The following PKHD1 variants were observed in gnomAD, a reference collection of about 807,000 sequenced individuals.
The protein encoded by PKHD1 is fibrocystin.
A neutral mutation model predicts 412.0 loss-of-function variants in PKHD1; 291 were observed. That is an observed-to-expected ratio of 0.71 (90% confidence interval 0.64 to 0.78). PKHD1 has a LOEUF of 0.78. Ranked by LOEUF, PKHD1 falls within the 30% of genes least tolerant of loss-of-function variation. PKHD1 has a pLI of 0.00. For synonymous variants in PKHD1, 1,777 were observed against 1,821.5 expected, an observed-to-expected ratio of 0.98 and a Z score of 0.62; for missense variants, 4,825 against 4,950.7, an observed-to-expected ratio of 0.97 and a Z score of 0.76.
At chr6:51,726,966 T>C (rs950523261) in intron 60 of PKHD1, among the ~76,000 whole-genome samples, 3 of 152,170 alleles carry the variant, frequency 2.0e-5, no homozygotes, top group Non-Finnish European at 4.4e-5. Flanking sequence ...GAACTTTCTC[T>C]GGCTAGAATT....
intron 60 of PKHD1, among the ~76,000 whole-genome samples, chr6:51,674,678 C>T (rs1775553052): frequency 6.6e-6 from 1 of 152,150 alleles, no homozygotes; most frequent in African/African-American, 2.4e-5. Context: ...ACTTAAGGTT[C>T]AGGGTGATGA....
At position 51,748,148 on chromosome 6, in the gene PKHD1, A is replaced by G. The variant is rs776397936; in HGVS notation, c.9468T>C (p.Gly3156=). ...CGCTGTTCTCTACATGTAACATGGC[A>G]CCATAGTCAAAGTTCTTGAAAGCCA... ...GFLAFKNFDY[G]AMLHVENSVE... Residue 3156 remains glycine, a synonymous_variant, in exon 58 of 67, where the codon GGT becomes GGC. Coordinates refer to ENST00000371117, the MANE Select transcript of PKHD1 (RefSeq NM_138694.4). 6 of 1,614,102 alleles carry G rather than the reference A, an allele frequency of 3.7e-6. No homozygotes were observed. The South Asian group carries it at 5.5e-5, about 15-fold the overall frequency.
intron 35 of PKHD1, among the ~76,000 whole-genome samples, chr6:51,993,287 G>T (rs1267783723): frequency 6.6e-6 from 1 of 152,250 alleles, no homozygotes; most frequent in Non-Finnish European, 1.5e-5. Flanking sequence ...CAGGAGCCGA[G>T]CAGGCAGCTT....
chr6:51,808,372 T>C (rs1037296841), intron 52 of PKHD1, among the ~76,000 whole-genome samples: 3 of 152,212 alleles, frequency 2.0e-5, no homozygotes, highest in African/African-American at 7.2e-5. Flanking sequence ...AAGGGAAAAT[T>C]TTCAATGAGC....
chr6:51,959,393 G>A (rs1176112454), intron 36 of PKHD1, among the ~76,000 whole-genome samples: 1 of 152,006 alleles, frequency 6.6e-6, no homozygotes, highest in African/African-American at 2.4e-5. Flanking sequence ...ATAAACCCTA[G>A]AGCTATATAG....
At chr6:51,804,278 C>A (rs1306201505) in intron 52 of PKHD1, among the ~76,000 whole-genome samples, 1 of 142,810 alleles carries the variant, frequency 7.0e-6, no homozygotes, top group Non-Finnish European at 1.5e-5. Context: ...TTCTATAGTT[C>A]CAGTAATTTC....
intron 14 of PKHD1, among the ~76,000 whole-genome samples, chr6:52,061,060 A>G (rs1388601638): frequency 6.6e-6 from 1 of 152,208 alleles, no homozygotes; most frequent in African/African-American, 2.4e-5. Flanking sequence ...TCACTCCTTA[A>G]CACTCCCAAA....
chr6:51,941,522 TG>T (rs1463934755), intron 36 of PKHD1, among the ~76,000 whole-genome samples: 1 of 151,128 alleles, frequency 6.6e-6, no homozygotes, highest in Non-Finnish European at 1.5e-5. Context: ...CCCAAAGTGC[TG>T]GGATTACAGG....
chr6:51,692,708 CT>C (rs1284500117), intron 60 of PKHD1, among the ~76,000 whole-genome samples: 4 of 152,058 alleles, frequency 2.6e-5, no homozygotes, highest in East Asian at 1.9e-4. Flanking sequence ...CATCACCTAT[CT>C]TTTTTTTCCA....
At chr6:52,051,911 C>T (rs1029826470) in intron 21 of PKHD1, among the ~76,000 whole-genome samples, 3 of 152,142 alleles carry the variant, frequency 2.0e-5, no homozygotes, top group African/African-American at 7.2e-5. Context: ...TGTGCCAGAG[C>T]ACAAACAGGT....
rs781749612 is a variant in PKHD1, at chr6:51,627,004, C to A, written c.11778G>T (p.Val3926=). 3 of 1,613,400 alleles carry A rather than the reference C, an allele frequency of 1.9e-6. No individual in the cohort carries two copies. In the South Asian group the frequency reaches 3.3e-5, roughly 18 times the overall value. Residue 3926 remains valine, a synonymous_variant, in exon 66 of 67, where the codon GTG becomes GTT. Transcript: ENST00000371117. ...TCCACCCTCCAAGCTTACCTTCTCCCACCACAGTGTCTTCTTTTTTGGGCC... is the reference window on the plus strand; with the variant it reads ...TCCACCCTCCAAGCTTACCTTCTCCAACCACAGTGTCTTCTTTTTTGGGCC... The part of the protein sequence containing the change: ...SQGPKKEDTV[V]GEDMRMKVML...
intron 36 of PKHD1, 43 bp from the exon 37 acceptor site, chr6:51,934,365 G>T (rs369036785): frequency 1.5e-5 from 20 of 1,328,336 alleles, no homozygotes; most frequent in African/African-American, 2.9e-5. Context: ...GGAGGATAAG[G>T]CTTACCGTTT....
intron 35 of PKHD1, among the ~76,000 whole-genome samples, chr6:51,990,900 T>C (rs1796971419): frequency 6.6e-6 from 1 of 152,230 alleles, no homozygotes; most frequent in Non-Finnish European, 1.5e-5. Flanking sequence ...TCCTAACATT[T>C]TGAAGCATCC....
Position 51,626,983 on chromosome 6 carries a change from C to T in PKHD1, c.11785+14G>A, listed in dbSNP as rs1327716286. On this transcript the variant is annotated intron_variant, in intron 66 of 66. Coordinates refer to ENST00000371117, the MANE Select transcript of PKHD1 (RefSeq NM_138694.4). ...GTCTCTCCTGTGGGGATCATCTCCA[C>T]CCTCCAAGCTTACCTTCTCCCACCA... 1 of 1,613,074 alleles carries T rather than the reference C, an allele frequency of 6.2e-7. No individual in the cohort carries two copies. The highest frequency in any genetic ancestry group is 1.7e-5 in the Admixed American group (1 of 59,962).
rs577306911 is a variant in PKHD1 at position 51,911,810 on chromosome 6, T to C, written c.6479A>G (p.Asn2160Ser). The C allele has an allele frequency of 9.0e-5, 145 of 1,612,820 alleles. 1 individual carries two copies. Among genetic ancestry groups the C allele is most frequent in the Middle Eastern group, 8.3e-4 (5 of 6,052 alleles). Reference protein sequence around the residue: ...EKLLVSCQEANAPEGNLQHCL... With the variant: ...EKLLVSCQEASAPEGNLQHCL... ...AAACACTCTTCTACCTTCTGGAGCA[T>C]TGGCCTCCTGGCATGAAACAAGCAG... The change falls in exon 39 of 67, where the codon AAT becomes AGT. Residue 2160 changes from asparagine (N) to serine (S), a missense_variant. Asn to Ser is a conservative substitution (Grantham distance 46). Transcript: ENST00000371117.
chr6:51,762,685 T>G (rs1582530687), intron 55 of PKHD1, among the ~76,000 whole-genome samples: 1 of 151,310 alleles, frequency 6.6e-6, no homozygotes, highest in East Asian at 1.9e-4. Flanking sequence ...ATCAAATTCT[T>G]TTGGTGAAAA....
chr6:51,742,464 G>GT lies in PKHD1; in HGVS notation c.10156+1920dup, dbSNP rs554941396. Among the ~76,000 whole-genome samples, 73 of 152,286 alleles carry GT rather than the reference G, an allele frequency of 4.8e-4. No individual in the cohort carries two copies. In the East Asian group the frequency reaches 0.013, roughly 27 times the overall value. ...TGTCAAATGCTGTACTGTAGCAGTA[G>GT]TTCAGGTGAAAGAAAGGTGAAAACA... On this transcript the variant is annotated intron_variant, in intron 60 of 66. Transcript: ENST00000371117.
rs192695191 is a variant in PKHD1, at chr6:51,702,910, T to G, written c.10156+41475A>C. Among the ~76,000 whole-genome samples, 1,398 of 142,996 alleles carry G rather than the reference T, an allele frequency of 9.8e-3. 22 individuals carry two copies. The highest frequency in any genetic ancestry group is 0.033 in the African/African-American group (1,316 of 39,968). 93.8% of individuals were successfully genotyped at this position (142,996 alleles called of 152,430 possible). A position where few individuals can be genotyped will look rare whatever the true frequency, so the allele number is the denominator to read the frequency against. On this transcript the variant is annotated intron_variant, in intron 60 of 66. Coordinates refer to ENST00000371117, the MANE Select transcript of PKHD1 (RefSeq NM_138694.4). ...AATCAATTTTTTTTTTTTTTTTTGC[T>G]TGCGGTTACCTTCAATTAAATAGGT...
intron 52 of PKHD1, among the ~76,000 whole-genome samples, chr6:51,820,507 A>G (rs1415403626): frequency 2.6e-5 from 4 of 152,196 alleles, no homozygotes; most frequent in African/African-American, 9.7e-5. Context: ...CAACCTTCTA[A>G]CAGAGGAGCA....
Sources: gnomAD v4.1 joint callset for allele counts (sites outside exome capture counted in the v4.1 genomes callset) on GRCh38, gnomAD v4.1.1 for gene constraint, MANE v1.5 for transcripts, NCBI Gene and HGNC (gene_info 2026-07-23, HGNC 2026-07-21) for gene names.